CD226: variants seen among roughly 807,000 people sequenced by gnomAD.
CD226 encodes CD226 antigen.
Under a neutral mutation model 34.9 loss-of-function variants are expected in CD226, and 24 were observed. The observed-to-expected ratio is 0.69, with a 90% CI of 0.50 to 0.97. The LOEUF is 0.97. Among genes scored for constraint, CD226 ranks in the 50% least tolerant of loss-of-function variants. CD226 has a pLI of 0.00. For synonymous variants in CD226, 148 were observed against 147.4 expected, an observed-to-expected ratio of 1.00 and a Z score of -0.03; for missense variants, 397 against 412.7, an observed-to-expected ratio of 0.96 and a Z score of 0.33.
At chr18:69,910,284 G>A (rs149660854) in intron 2 of CD226, among the ~76,000 whole-genome samples, 236 of 152,316 alleles carry the variant, frequency 1.5e-3, no homozygotes, top group Middle Eastern at 0.01. Context: ...GTGGGAAAAC[G>A]TGGCAAACAC....
intron 2 of CD226, among the ~76,000 whole-genome samples, chr18:69,910,093 C>T (rs1404317411): frequency 3.9e-5 from 6 of 152,186 alleles, no homozygotes; most frequent in Non-Finnish European, 8.8e-5. Context: ...GCAGCCTGAA[C>T]TTTTTTCATT....
At position 69,873,319 on chromosome 18, in the gene CD226, A is replaced by G. The variant is rs1983659594; in HGVS notation, c.728-73T>C. 4.1e-6 allele frequency: 3 copies of G among 734,720 alleles called. No individual in the cohort carries two copies. In the Admixed American group the frequency reaches 7.2e-5, roughly 18 times the overall value. The allele number at this position is 734,720 out of a possible 1,614,324, so 45.5% of individuals were successfully genotyped here. A position where few individuals can be genotyped will look rare whatever the true frequency, so the allele number is the denominator to read the frequency against. On this transcript the variant is annotated intron_variant, in intron 3 of 5. Transcript: ENST00000582621. Reference sequence around the variant, plus strand: ...CAGTAAAAAGTAAGGCAGGAAAATAAAGAAAAGATACATTAATTATTGAGT... The same window carrying G: ...CAGTAAAAAGTAAGGCAGGAAAATAGAGAAAAGATACATTAATTATTGAGT...
rs748557039 is a variant in CD226 at position 69,895,725 on chromosome 18, C to T, written c.703G>A (p.Val235Met). The T allele has an allele frequency of 9.9e-6, 16 of 1,613,496 alleles. No individual in the cohort carries two copies. Among genetic ancestry groups the T allele is most frequent in the African/African-American group, 6.7e-5 (5 of 74,900 alleles). ...QASAGENETF[V>M]MRLTVAEGKT... is the part of the protein sequence containing the mutation. ...CCCTCGGCTACAGTCAATCTCATCA[C>T]GAAGGTTTCGTTTTCTCCTGCGCTG... Residue 235 changes from valine (V) to methionine (M), a missense_variant, in exon 3 of 6, where the codon GTG (valine) becomes ATG (methionine). By Grantham distance (21) the Val-to-Met change is conservative (BLOSUM62 1). Coordinates refer to ENST00000582621, the MANE Select transcript of CD226 (RefSeq NM_001303618.2).
At chr18:69,949,889 C>G (rs2055834468), upstream of CD226, among the ~76,000 whole-genome samples, 1 of 152,090 alleles carries the variant, frequency 6.6e-6, no homozygotes, top group Non-Finnish European at 1.5e-5. Context: ...CTGTCTCACT[C>G]TATCTCAATC....
At chr18:69,868,640 G>A (rs1983297007) in intron 4 of CD226, among the ~76,000 whole-genome samples, 1 of 152,094 alleles carries the variant, frequency 6.6e-6, no homozygotes, top group Non-Finnish European at 1.5e-5. Context: ...CTATGATATA[G>A]ATGCTATTAT....
At chr18:69,931,937 C>G in intron 2 of CD226, among the ~76,000 whole-genome samples, 1 of 152,156 alleles carries the variant, frequency 6.6e-6, no homozygotes, top group South Asian at 2.1e-4. Flanking sequence ...AGGCTAGAAA[C>G]CCAAAATTCA....
At chr18:69,935,294 C>G (rs1202574396) in intron 2 of CD226, among the ~76,000 whole-genome samples, 1 of 152,194 alleles carries the variant, frequency 6.6e-6, no homozygotes, top group African/African-American at 2.4e-5. Flanking sequence ...TCCTATAAGG[C>G]CTTTTTGAAG....
upstream of CD226, among the ~76,000 whole-genome samples, chr18:69,958,187 C>T (rs772808488): frequency 3.3e-5 from 5 of 152,152 alleles, no homozygotes; most frequent in East Asian, 1.9e-4. Flanking sequence ...CCTATTCACT[C>T]GCTGCATTTT....
intron 2 of CD226, among the ~76,000 whole-genome samples, chr18:69,903,463 G>A (rs2055212379): frequency 1.3e-5 from 2 of 152,060 alleles, no homozygotes; most frequent in South Asian, 4.2e-4. Flanking sequence ...CCAAGTTTGG[G>A]GATGTTACAG....
In CD226 at chr18:69,874,045, C is replaced by T. The variant is rs185384516; in HGVS notation, c.728-799G>A. 4.6e-5 allele frequency among the ~76,000 whole-genome samples: 7 copies of T among 151,908 alleles called. No individual in the cohort carries two copies. In the East Asian group the frequency reaches 1.4e-3, roughly 29 times the overall value. ...AAATCAGAAAAAAAAAATGTTACTC[C>T]AACTCAATGTCTGAAAGTTTACCAT... On this transcript the variant is annotated intron_variant, in intron 3 of 5. Transcript: ENST00000582621.
At chr18:69,870,567 G>A (rs532592321) in intron 4 of CD226, among the ~76,000 whole-genome samples, 1 of 152,140 alleles carries the variant, frequency 6.6e-6, no homozygotes, top group Admixed American at 6.5e-5. Context: ...GAGCCACCAT[G>A]CCTGGCCATA....
Position 69,946,841 on chromosome 18 carries a change from G to A in CD226, c.275C>T (p.Thr92Ile). Residue 92 changes from threonine to isoleucine, a missense_variant, in exon 2 of 6, where the codon ACT becomes ATT. Coordinates refer to ENST00000582621, the MANE Select transcript of CD226 (RefSeq NM_001303618.2). ...TTCAGAGGCATTCCGAAAGAAAAGA[G>A]TCATGTTATTGGAAGCCATCGTTGA... ...LNSTMASNNM[T>I]LFFRNASEDD... The A allele has an allele frequency of 6.2e-7, 1 of 1,614,108 alleles. No homozygotes were observed. The highest frequency in any genetic ancestry group is 2.2e-5 in the East Asian group (1 of 44,888).
In CD226 at chr18:69,929,115, T is replaced by C. The variant is rs946098395; in HGVS notation, c.382+17619A>G. On this transcript the variant is annotated intron_variant, in intron 2 of 5. Transcript: ENST00000582621. ...GTGGGGATTGTGGGTGACTCAGGAA[T>C]ATATTATTTACAAAAAGGTTGCTGC... Among the ~76,000 whole-genome samples the C allele has an allele frequency of 3.9e-5, 6 of 152,190 alleles. No individual in the cohort carries two copies. In the East Asian group the frequency reaches 5.8e-4, roughly 15 times the overall value.
At chr18:69,904,818 C>T (rs992674417) in intron 2 of CD226, among the ~76,000 whole-genome samples, 2 of 152,102 alleles carry the variant, frequency 1.3e-5, no homozygotes, top group African/African-American at 4.8e-5. Context: ...AATTGGCCCC[C>T]CAGGTTAGAC....
chr18:69,921,369 C>T (rs147645717), intron 2 of CD226, among the ~76,000 whole-genome samples: 1,878 of 152,258 alleles, frequency 0.012, 23 homozygotes, highest in South Asian at 0.038. Context: ...ATGGGATCAT[C>T]TGGGAAGCTT....
At chr18:69,874,625 C>T (rs1276348208) in intron 3 of CD226, among the ~76,000 whole-genome samples, 2 of 152,196 alleles carry the variant, frequency 1.3e-5, no homozygotes, top group Admixed American at 6.5e-5. Flanking sequence ...TGACTTTCAA[C>T]CAATTCTTCC....
intron 2 of CD226, among the ~76,000 whole-genome samples, chr18:69,936,229 C>CT (rs35889407): frequency 1.2e-3 from 176 of 151,644 alleles, no homozygotes; most frequent in African/African-American, 4.1e-3. Flanking sequence ...TAAACTTTCT[C>CT]TTTTTTTTTG....
At chr18:69,875,096 A>G (rs1184087559) in intron 3 of CD226, among the ~76,000 whole-genome samples, 2 of 152,160 alleles carry the variant, frequency 1.3e-5, no homozygotes, top group African/African-American at 2.4e-5. Flanking sequence ...TATAATACCC[A>G]TCAGATTGCT....
intron 3 of CD226, among the ~76,000 whole-genome samples, chr18:69,895,164 C>T (rs887738716): frequency 5.3e-5 from 8 of 152,264 alleles, no homozygotes; most frequent in Admixed American, 2.0e-4. Context: ...TAAGATGCAA[C>T]ATCAGTCTGT....
Sources: gnomAD v4.1 joint callset for allele counts (sites outside exome capture counted in the v4.1 genomes callset) on GRCh38, gnomAD v4.1.1 for gene constraint, MANE v1.5 for transcripts, NCBI Gene and HGNC (gene_info 2026-07-23, HGNC 2026-07-21) for gene names.